The following ALMS1 variants were observed in gnomAD, a reference collection of about 807,000 sequenced individuals.
The protein encoded by ALMS1 is centrosome-associated protein ALMS1.
Under a neutral mutation model 352.2 loss-of-function variants are expected in ALMS1, and 271 were observed. That is an observed-to-expected ratio of 0.77 (90% confidence interval 0.70 to 0.85). ALMS1 has a LOEUF of 0.85. Among genes scored for constraint, ALMS1 ranks in the 40% least tolerant of loss-of-function variants. The pLI, the probability that ALMS1 is intolerant of heterozygous loss-of-function variation, is 0.00. For missense variants in ALMS1, 5,445 were observed against 4,870.7 expected, an observed-to-expected ratio of 1.12 and a Z score of -3.51; for synonymous variants, 1,865 against 1,761.2, an observed-to-expected ratio of 1.06 and a Z score of -1.48.
chr2:73,489,594 G>T (rs750029471), intron 9 of ALMS1, 40 bp from the exon 10 acceptor site: 2 of 1,609,996 alleles, frequency 1.2e-6, no homozygotes, highest in Non-Finnish European at 1.7e-6. Context: ...TAACTACTTG[G>T]ACTACTTCAA....
At chr2:73,540,331 T>C (rs1429359855) in intron 12 of ALMS1, among the ~76,000 whole-genome samples, 1 of 152,170 alleles carries the variant, frequency 6.6e-6, no homozygotes, top group East Asian at 1.9e-4. Flanking sequence ...AGAGATTTTG[T>C]CACCACTAGG....
intron 13 of ALMS1, among the ~76,000 whole-genome samples, chr2:73,553,132 C>G (rs767577710): frequency 5.3e-5 from 8 of 152,108 alleles, no homozygotes; most frequent in Non-Finnish European, 1.0e-4. Context: ...AAAAGAGATT[C>G]TAACAGCTTC....
rs1450447454 is a variant in ALMS1, at chr2:73,452,055, T to G, written c.5528T>G (p.Ile1843Arg). ...VPGPADQKTG[I>R]NILPSNSYPQ... The stretch of plus-strand genomic sequence containing the variant: ...GGACCAGCTGACCAGAAGACTGGAA[T>G]AAACATCCTGCCCTCTAATTCCTAC... Residue 1843 changes from isoleucine (I) to arginine (R), a missense_variant, in exon 8 of 23, where the codon ATA becomes AGA. Coordinates refer to ENST00000613296, the MANE Select transcript of ALMS1 (RefSeq NM_001378454.1). 6.2e-7 allele frequency: 1 copy of G among 1,613,974 alleles called. No individual in the cohort carries two copies. The highest frequency in any genetic ancestry group is 8.5e-7 in the Non-Finnish European group (1 of 1,179,996).
intron 9 of ALMS1, among the ~76,000 whole-genome samples, chr2:73,455,731 A>G (rs540959143): frequency 3.3e-4 from 51 of 152,352 alleles, no homozygotes; most frequent in Non-Finnish European, 6.8e-4. Context: ...AAGTTAAGAT[A>G]TAAGTATTAG....
chr2:73,425,683 A>C (rs1056974741), intron 5 of ALMS1, among the ~76,000 whole-genome samples: 2 of 152,202 alleles, frequency 1.3e-5, no homozygotes, highest in Non-Finnish European at 2.9e-5. Flanking sequence ...GACAGCCGAG[A>C]GAGAGCCAAA....
At chr2:73,534,722 A>C in intron 11 of ALMS1, 102 bp from the exon 12 acceptor site, 1 of 1,323,290 alleles carries the variant, frequency 7.6e-7, no homozygotes, top group Non-Finnish European at 1.1e-6. Context: ...CATAAATTCC[A>C]AAAGTCATGA....
At chr2:73,502,498 G>C (rs1256002820) in intron 10 of ALMS1, among the ~76,000 whole-genome samples, 1 of 152,088 alleles carries the variant, frequency 6.6e-6, no homozygotes, top group Non-Finnish European at 1.5e-5. Flanking sequence ...TTCCTGGAGG[G>C]CAGGAGAGTA....
intron 3 of ALMS1, among the ~76,000 whole-genome samples, chr2:73,421,505 A>G (rs943545417): frequency 2.6e-5 from 4 of 152,156 alleles, no homozygotes; most frequent in African/African-American, 9.7e-5. Flanking sequence ...GAACTGTACC[A>G]ATTGTTCCTT....
chr2:73,467,525 A>C (rs535776877), intron 9 of ALMS1, among the ~76,000 whole-genome samples: 4 of 151,954 alleles, frequency 2.6e-5, no homozygotes, highest in Non-Finnish European at 4.4e-5. Context: ...CTGGTACACA[A>C]CTCTTAAAAT....
chr2:73,503,500 G>A (rs1391132518), intron 10 of ALMS1, among the ~76,000 whole-genome samples: 2 of 152,066 alleles, frequency 1.3e-5, no homozygotes, highest in African/African-American at 4.8e-5. Flanking sequence ...GTCTATCGTT[G>A]TTGGACATTT....
chr2:73,468,522 C>T (rs915256879), intron 9 of ALMS1, among the ~76,000 whole-genome samples: 3 of 152,006 alleles, frequency 2.0e-5, no homozygotes, highest in African/African-American at 7.2e-5. Context: ...GAAACTTATA[C>T]CCATTAAATA....
chr2:73,574,203 G>A (rs1675005034), intron 16 of ALMS1, among the ~76,000 whole-genome samples: 1 of 152,154 alleles, frequency 6.6e-6, no homozygotes, highest in Admixed American at 6.5e-5. Flanking sequence ...GTGCAACAAA[G>A]AGTATCCTCC....
chr2:73,485,445 G>C (rs906095845), intron 9 of ALMS1, among the ~76,000 whole-genome samples: 1 of 151,934 alleles, frequency 6.6e-6, no homozygotes, highest in Non-Finnish European at 1.5e-5. Flanking sequence ...CAGATCTCCA[G>C]CTGTGTGCTG....
intron 9 of ALMS1, among the ~76,000 whole-genome samples, chr2:73,468,450 T>C (rs1672402698): frequency 1.3e-5 from 2 of 152,016 alleles, no homozygotes; most frequent in Non-Finnish European, 1.5e-5. Flanking sequence ...TTAAGTACAT[T>C]CATATTGTTG....
At chr2:73,531,381 G>A (rs140298844) in intron 11 of ALMS1, among the ~76,000 whole-genome samples, 8 of 152,276 alleles carry the variant, frequency 5.3e-5, no homozygotes, top group African/African-American at 1.9e-4. Flanking sequence ...CAGTCTCTTT[G>A]CTAATGCATA....
chr2:73,463,094 G>A (rs1046993815), intron 9 of ALMS1, among the ~76,000 whole-genome samples: 2 of 152,146 alleles, frequency 1.3e-5, no homozygotes, highest in African/African-American at 4.8e-5. Flanking sequence ...ATTCAGCTCT[G>A]CACCAAGCAG....
At chr2:73,438,568 A>G (rs1484747557) in intron 7 of ALMS1, among the ~76,000 whole-genome samples, 1 of 152,210 alleles carries the variant, frequency 6.6e-6, no homozygotes, top group Non-Finnish European at 1.5e-5. Context: ...AGCCAGTTGA[A>G]CAAATGGGAA....
chr2:73,477,816 C>T (rs1008413918), intron 9 of ALMS1, among the ~76,000 whole-genome samples: 1 of 152,060 alleles, frequency 6.6e-6, no homozygotes. Flanking sequence ...TTGTATATTG[C>T]ACTGGCATCC....
intron 11 of ALMS1, among the ~76,000 whole-genome samples, chr2:73,520,830 G>A (rs1041826560): frequency 1.3e-5 from 2 of 152,152 alleles, no homozygotes; most frequent in Non-Finnish European, 2.9e-5. Context: ...AGACCAAATT[G>A]TAAATTATTT....
Sources: allele counts gnomAD v4.1 joint callset (sites outside exome capture counted in the v4.1 genomes callset), GRCh38; gene constraint gnomAD v4.1.1; transcripts MANE v1.5; gene names NCBI Gene and HGNC (gene_info 2026-07-23, HGNC 2026-07-21).